The following PIK3C2G variants were observed in gnomAD, a reference collection of about 807,000 sequenced individuals.
PIK3C2G encodes phosphatidylinositol 3-kinase C2 domain-containing subunit gamma.
PIK3C2G carries 168 observed loss-of-function variants against 181.1 expected under a neutral mutation model. The ratio of observed to expected loss-of-function variants is 0.93; its 90% CI spans 0.82 to 1.05. The LOEUF is 1.05. PIK3C2G is among the 50% of genes least tolerant of loss of function. The pLI, the probability that PIK3C2G is intolerant of heterozygous loss-of-function variation, is 0.00. For missense variants in PIK3C2G, 1,869 were observed against 1,732.8 expected, an observed-to-expected ratio of 1.08 and a Z score of -1.40; for synonymous variants, 573 against 592.2, an observed-to-expected ratio of 0.97 and a Z score of 0.47.
At position 18,546,390 on chromosome 12, in the gene PIK3C2G, G is replaced by A. The variant is rs369934938; in HGVS notation, c.3548G>A (p.Arg1183His). 63 of 1,600,854 alleles carry A rather than the reference G, an allele frequency of 3.9e-5. No individual in the cohort carries two copies. In the African/African-American group the frequency reaches 5.1e-4, roughly 13 times the overall value. The change falls in exon 26 of 33, where the codon CGT (arginine) becomes CAT (histidine). Residue 1183 changes from arginine (R) to histidine (H), a missense_variant. Physicochemically the swap from Arg to His is conservative, Grantham distance 29. Transcript: ENST00000538779. ...QDLKYVYNNL[R>H]PQDTDLEATS... The stretch of plus-strand genomic sequence containing the variant: ...CTGAAATATGTGTATAATAATCTTC[G>A]TCCACAAGACACAGACCTGGAAGCA...
chr12:18,669,213 C>T, the PIK3C2G span, among the ~76,000 whole-genome samples: 1 of 152,094 alleles, frequency 6.6e-6, no homozygotes, highest in Non-Finnish European at 1.5e-5. Flanking sequence ...TTTCCAAGGT[C>T]CCACAGCTAG....
chr12:18,655,876 A>C, the PIK3C2G span, among the ~76,000 whole-genome samples: 2 of 152,194 alleles, frequency 1.3e-5, no homozygotes, highest in Admixed American at 6.6e-5. Flanking sequence ...TGTCACAGCC[A>C]AGAGGAGCTT....
chr12:18,592,896 C>G (rs1947159601), intron 29 of PIK3C2G, among the ~76,000 whole-genome samples: 2 of 151,926 alleles, frequency 1.3e-5, no homozygotes, highest in African/African-American at 4.8e-5. Context: ...TTTGCCAGGG[C>G]TGCCATAACA....
chr12:18,434,857 A>G (rs1946362082), intron 18 of PIK3C2G, among the ~76,000 whole-genome samples: 1 of 152,212 alleles, frequency 6.6e-6, no homozygotes, highest in African/African-American at 2.4e-5. Flanking sequence ...CAGACAAAAA[A>G]AGATTACTAG....
chr12:18,514,512 A>T (rs1025975561), intron 24 of PIK3C2G, among the ~76,000 whole-genome samples: 1 of 151,838 alleles, frequency 6.6e-6, no homozygotes, highest in African/African-American at 2.4e-5. Context: ...CCATTGTAAA[A>T]GGAAGTGCCT....
At chr12:18,371,156 G>C (rs1370662331) in intron 12 of PIK3C2G, 24 bp from the exon 13 acceptor site, 2 of 1,581,810 alleles carry the variant, frequency 1.3e-6, no homozygotes, top group East Asian at 2.3e-5. Context: ...GGTAGGTAAT[G>C]CTTCTTCTTT....
At chr12:18,429,151 A>G (rs915898081) in intron 18 of PIK3C2G, among the ~76,000 whole-genome samples, 3 of 152,162 alleles carry the variant, frequency 2.0e-5, no homozygotes, top group Non-Finnish European at 4.4e-5. Context: ...TGACCTAAAG[A>G]GAGGCAGAAG....
At chr12:18,683,492 C>T in the PIK3C2G span, 12 of 1,484,122 alleles carry the variant, frequency 8.1e-6, no homozygotes, top group African/African-American at 1.7e-4. Context: ...TAAATATTTG[C>T]ATTTTCTATT....
the PIK3C2G span, chr12:18,694,041 C>A: frequency 0.14 from 197,103 of 1,402,890 alleles, 15,227 homozygotes; most frequent in African/African-American, 0.21. Flanking sequence ...TTCAAAAAAT[C>A]TAAAGAAAAT....
At chr12:18,712,632 T>A in the PIK3C2G span, among the ~76,000 whole-genome samples, 9 of 152,232 alleles carry the variant, frequency 5.9e-5, no homozygotes, top group African/African-American at 1.9e-4. Context: ...AAAAGTTCCA[T>A]GAAACACTAT....
At chr12:18,269,433 G>T (rs975946569) in intron 1 of PIK3C2G, among the ~76,000 whole-genome samples, 1 of 152,056 alleles carries the variant, frequency 6.6e-6, no homozygotes, top group African/African-American at 2.4e-5. Context: ...TCTGGGCAGA[G>T]GGCAGTAATG....
intron 1 of PIK3C2G, among the ~76,000 whole-genome samples, chr12:18,281,769 C>T (rs769455260): frequency 2.6e-5 from 4 of 152,086 alleles, no homozygotes; most frequent in Middle Eastern, 3.4e-3. Context: ...TTAAAATTGA[C>T]GTGAACTTAT....
In PIK3C2G at chr12:18,290,982, T is replaced by C; in HGVS notation, c.889T>C (p.Ser297Pro). The C allele has an allele frequency of 6.2e-7, 1 of 1,601,386 alleles. No homozygotes were observed. The highest frequency in any genetic ancestry group is 8.6e-7 in the Non-Finnish European group (1 of 1,168,928). The change falls in exon 4 of 33, where the codon TCA becomes CCA. Residue 297 changes from serine (S) to proline (P), a missense_variant. Coordinates refer to ENST00000538779, the MANE Select transcript of PIK3C2G (RefSeq NM_001288772.2). Reference sequence around the variant, plus strand: ...TAATATACATATTTTTATTGATAACTCAACACAACCTCTTCATTTTATGCC... The same window carrying C: ...TAATATACATATTTTTATTGATAACCCAACACAACCTCTTCATTTTATGCC... The part of the protein sequence containing the change: ...KFNIHIFIDN[S>P]TQPLHFMPCA...
In PIK3C2G at chr12:18,421,047, G is replaced by T. The variant is rs559628871; in HGVS notation, c.2409+13G>T. The T allele has an allele frequency of 1.0e-4, 142 of 1,400,234 alleles. 1 individual carries two copies. The East Asian group carries it at 3.0e-3, about 30-fold the overall frequency. 86.7% of individuals were successfully genotyped at this position (1,400,234 alleles called of 1,614,324 possible). On this transcript the variant is annotated intron_variant, in intron 17 of 32. Coordinates refer to ENST00000538779, the MANE Select transcript of PIK3C2G (RefSeq NM_001288772.2). ...ACAGCTAGTTCAGGTAAGAATAGAA[G>T]AGTTGCTAAGGAAACCCAGGGTTTT... is the stretch of plus-strand genomic sequence containing the variant.
At chr12:18,460,497 C>T (rs1384901352) in intron 18 of PIK3C2G, among the ~76,000 whole-genome samples, 2 of 151,736 alleles carry the variant, frequency 1.3e-5, no homozygotes, top group Non-Finnish European at 1.5e-5. Flanking sequence ...TCGCTTGAAC[C>T]CGGGAGGCAG....
intron 4 of PIK3C2G, 119 bp from the exon 5 acceptor site, chr12:18,293,782 A>T (rs554963082): frequency 1.4e-5 from 9 of 632,852 alleles, no homozygotes; most frequent in African/African-American, 1.3e-4. Context: ...ATTCCCCTTG[A>T]TGAAGCTAGA....
intron 31 of PIK3C2G, among the ~76,000 whole-genome samples, chr12:18,635,818 G>A (rs1949575615): frequency 6.6e-6 from 1 of 152,134 alleles, no homozygotes; most frequent in African/African-American, 2.4e-5. Flanking sequence ...AAATGGGCCA[G>A]GCTAACACAC....
chr12:18,272,895 C>T (rs1359845365), intron 1 of PIK3C2G, among the ~76,000 whole-genome samples: 1 of 152,044 alleles, frequency 6.6e-6, no homozygotes, highest in Non-Finnish European at 1.5e-5. Context: ...AATGATGTTC[C>T]AGTACCACAA....
intron 5 of PIK3C2G, among the ~76,000 whole-genome samples, chr12:18,313,447 C>T (rs982999899): frequency 6.6e-6 from 1 of 151,822 alleles, no homozygotes; most frequent in East Asian, 1.9e-4. Context: ...GTTTAATTGG[C>T]CTTCCTAAGG....
Sources: gnomAD v4.1 joint callset for allele counts (sites outside exome capture counted in the v4.1 genomes callset) on GRCh38, gnomAD v4.1.1 for gene constraint, MANE v1.5 for transcripts, NCBI Gene and HGNC (gene_info 2026-07-23, HGNC 2026-07-21) for gene names.